NAA35: variants seen among roughly 807,000 people sequenced by gnomAD.
NAA35 encodes MAK10 homolog, amino-acid N-acetyltransferase subunit.
In NAA35, 18 loss-of-function variants were observed where a neutral mutation model predicts 101.7. The observed-to-expected ratio is 0.18, with a 90% confidence interval of 0.12 to 0.26. NAA35 has a LOEUF of 0.26. Among genes scored for constraint, NAA35 ranks in the 10% least tolerant of loss-of-function variants. NAA35 has a pLI of 1.00. For missense variants in NAA35, 601 were observed against 886.8 expected (o/e 0.68, Z 4.09); for synonymous variants, 267 against 273.1 (o/e 0.98, Z 0.22).
intron 11 of NAA35, among the ~76,000 whole-genome samples, chr9:85,995,962 A>C (rs1157320604): frequency 6.6e-6 from 1 of 152,184 alleles, no homozygotes. Flanking sequence ...ATTATTATAT[A>C]GCTAAGTTTG....
At position 85,996,560 on chromosome 9, in the gene NAA35, A is replaced by C; in HGVS notation, c.1039A>C (p.Asn347His). 6.3e-7 allele frequency: 1 copy of C among 1,578,178 alleles called. No individual in the cohort carries two copies. Among genetic ancestry groups the C allele is most frequent in the Non-Finnish European group, 8.6e-7 (1 of 1,169,320 alleles). The change falls in exon 12 of 23, where the codon AAT becomes CAT. Residue 347 changes from asparagine to histidine, a missense_variant. Asn to His is a moderately conservative substitution (Grantham distance 68). Around this residue, in one of 8 missense-constraint regions of NAA35, gnomAD observed 190 missense variants for 223.1 expected, o/e 0.85. Coordinates refer to ENST00000361671, the MANE Select transcript of NAA35 (RefSeq NM_024635.4). The part of the protein sequence containing the change: ...KTVCEVVNLT[N>H]LHCILDFFCE... ...TGTCTGTGAGGTTGTGAATTTAACA[A>C]ATTTACATTGTATCCTGGTAAGTAC...
intron 6 of NAA35, among the ~76,000 whole-genome samples, chr9:85,969,023 T>A (rs1829883012): frequency 6.6e-6 from 1 of 152,174 alleles, no homozygotes; most frequent in South Asian, 2.1e-4. Context: ...TTGTATATAT[T>A]TTTTTGAAAA....
At position 86,024,036 on chromosome 9, in the gene NAA35, A is replaced by T. The variant is rs1832678699; in HGVS notation, c.*2076A>T. On this transcript the variant is annotated 3_prime_UTR_variant, in exon 23 of 23. Coordinates refer to ENST00000361671, the MANE Select transcript of NAA35 (RefSeq NM_024635.4). ...TATAAAAACAAATTTGCCATTTTAT[A>T]ATTTTTAAAGTAATCTGCCATTCAA... Among the ~76,000 whole-genome samples, 1 of 152,224 alleles carries T rather than the reference A, an allele frequency of 6.6e-6. No homozygotes were observed. Among genetic ancestry groups the T allele is most frequent in the Admixed American group, 6.5e-5 (1 of 15,288 alleles).
chr9:86,004,041 G>A (rs1413286671), intron 13 of NAA35, among the ~76,000 whole-genome samples: 1 of 152,152 alleles, frequency 6.6e-6, no homozygotes, highest in African/African-American at 2.4e-5. Flanking sequence ...AAATTAAAAT[G>A]TACCCAAATC....
chr9:85,959,434 T>C (rs945713306), intron 4 of NAA35, among the ~76,000 whole-genome samples: 20 of 151,788 alleles, frequency 1.3e-4, no homozygotes, highest in Admixed American at 1.0e-3. Flanking sequence ...TTTTGGGTCA[T>C]TAAAATGATT....
chr9:85,941,485 C>A (rs1564280705), intron 1 of NAA35: 8 of 985,372 alleles, frequency 8.1e-6, no homozygotes, highest in Non-Finnish European at 8.4e-6. Context: ...GACGACCCGG[C>A]GCCGGACGTG....
chr9:85,985,953 AAG>A (rs1244750719), intron 11 of NAA35, among the ~76,000 whole-genome samples: 1 of 152,206 alleles, frequency 6.6e-6, no homozygotes, highest in East Asian at 1.9e-4. Context: ...TAAATCAAGA[AAG>A]AGGGAAGCAT....
In NAA35 at chr9:85,985,628, T is replaced by A. The variant is rs1339213791; in HGVS notation, c.877+7247T>A. On this transcript the variant is annotated intron_variant, in intron 11 of 22. Transcript: ENST00000361671. ...AGAGTGATTGCTAATGGGTATAGAGTTTCTTCGTGGGTGATGAAAATGTTC... is the reference window on the plus strand; with the variant it reads ...AGAGTGATTGCTAATGGGTATAGAGATTCTTCGTGGGTGATGAAAATGTTC... Among the ~76,000 whole-genome samples the A allele has an allele frequency of 2.0e-5, 3 of 152,148 alleles. No homozygotes were observed. In the East Asian group the frequency reaches 5.8e-4, roughly 29 times the overall value.
At chr9:85,941,869 C>T (rs1828534176) in intron 1 of NAA35, 1 of 1,113,470 alleles carries the variant, frequency 9.0e-7, no homozygotes, top group Non-Finnish European at 1.1e-6. Flanking sequence ...TCTTTTCGGG[C>T]CAGAGGTGAG....
chr9:85,995,001 A>G (rs1831094254), intron 11 of NAA35, among the ~76,000 whole-genome samples: 1 of 152,148 alleles, frequency 6.6e-6, no homozygotes, highest in African/African-American at 2.4e-5. Context: ...ACAAAAATAC[A>G]TAACAACTAT....
intron 15 of NAA35, 57 bp downstream of exon 15, chr9:86,009,988 C>T (rs1587655564): frequency 1.4e-6 from 2 of 1,424,290 alleles, no homozygotes; most frequent in East Asian, 4.6e-5. Flanking sequence ...TGGGCTGTGG[C>T]CGGGCACGGT....
At chr9:85,978,848 T>A (rs1264775940) in intron 11 of NAA35, among the ~76,000 whole-genome samples, 1 of 152,132 alleles carries the variant, frequency 6.6e-6, no homozygotes, top group Non-Finnish European at 1.5e-5. Flanking sequence ...GAAGGGACAG[T>A]TACCATCTTT....
At chr9:85,966,931 A>AC (rs1829766830) in intron 6 of NAA35, among the ~76,000 whole-genome samples, 2 of 152,180 alleles carry the variant, frequency 1.3e-5, no homozygotes, top group Non-Finnish European at 2.9e-5. Flanking sequence ...ACATGGCGAA[A>AC]CCCCGTCTCT....
chr9:86,017,197 A>G (rs1401354131), intron 18 of NAA35, among the ~76,000 whole-genome samples: 6 of 152,370 alleles, frequency 3.9e-5, no homozygotes, highest in South Asian at 2.1e-4. Flanking sequence ...AGCAGTTTGG[A>G]TGGGTCATTA....
intron 15 of NAA35, among the ~76,000 whole-genome samples, chr9:86,012,559 A>G (rs1831992893): frequency 6.6e-6 from 1 of 152,184 alleles, no homozygotes; most frequent in African/African-American, 2.4e-5. Context: ...TTACAAATCC[A>G]TGTCTCTTGC....
chr9:86,002,838 T>A (rs918828927), intron 12 of NAA35, among the ~76,000 whole-genome samples: 1 of 152,188 alleles, frequency 6.6e-6, no homozygotes, highest in Non-Finnish European at 1.5e-5. Context: ...TCTATTTCTG[T>A]CATTCCAGCC....
chr9:85,986,118 T>C (rs905357724), intron 11 of NAA35, among the ~76,000 whole-genome samples: 1 of 152,182 alleles, frequency 6.6e-6, no homozygotes, highest in Non-Finnish European at 1.5e-5. Context: ...GGAAAATGTC[T>C]CGAAGATACA....
chr9:85,999,277 C>T (rs1007406995), intron 12 of NAA35, among the ~76,000 whole-genome samples: 2 of 152,148 alleles, frequency 1.3e-5, no homozygotes, highest in Non-Finnish European at 2.9e-5. Context: ...TAGATATTTT[C>T]TTATTCTCTT....
rs371877080 is a variant in NAA35 at position 86,000,131 on chromosome 9, T to G, written c.1057-3454T>G. Among the ~76,000 whole-genome samples the G allele has an allele frequency of 1.6e-3, 247 of 152,296 alleles. 1 individual carries two copies. The highest frequency in any genetic ancestry group is 3.8e-3 in the African/African-American group (157 of 41,560). On this transcript the variant is annotated intron_variant, in intron 12 of 22. Transcript: ENST00000361671. ...GGGATGTTAAATTTTATCAGAAGGC[T>G]TTTCTGCATCTATTGAGATAATCAT...
Sources: allele counts gnomAD v4.1 joint callset (sites outside exome capture counted in the v4.1 genomes callset), GRCh38; gene constraint gnomAD v4.1.1; regional missense constraint gnomAD v4.1.1; transcripts MANE v1.5; gene names NCBI Gene and HGNC (gene_info 2026-07-23, HGNC 2026-07-21).